PPP2R5C: variants seen among roughly 807,000 people sequenced by gnomAD.
PPP2R5C encodes the protein serine/threonine-protein phosphatase 2A 56 kDa regulatory subunit gamma isoform.
Under a neutral mutation model 68.9 loss-of-function variants are expected in PPP2R5C, and 7 were observed. The observed-to-expected ratio is 0.10, with a 90% CI of 0.06 to 0.19. PPP2R5C has a LOEUF of 0.19. Among genes scored for constraint, PPP2R5C ranks in the 10% least tolerant of loss-of-function variants. The pLI is 1.00. For synonymous variants in PPP2R5C, 210 were observed against 222.2 expected, an observed-to-expected ratio of 0.95 and a Z score of 0.49; for missense variants, 348 against 641.3, an observed-to-expected ratio of 0.54 and a Z score of 4.94.
intron 2 of PPP2R5C, among the ~76,000 whole-genome samples, chr14:101,866,174 C>T (rs1280282012): frequency 2.6e-5 from 4 of 152,204 alleles, no homozygotes; most frequent in Non-Finnish European, 4.4e-5. Context: ...GGATAACTGG[C>T]GTGAGCCAGC....
intron 1 of PPP2R5C, among the ~76,000 whole-genome samples, chr14:101,837,692 C>G (rs1034322809): frequency 6.6e-6 from 1 of 152,090 alleles, no homozygotes; most frequent in African/African-American, 2.4e-5. Flanking sequence ...TATCTCCAAC[C>G]TCTAGAACAC....
intron 1 of PPP2R5C, among the ~76,000 whole-genome samples, chr14:101,853,655 T>C (rs1455012996): frequency 6.6e-6 from 1 of 152,202 alleles, no homozygotes; most frequent in Non-Finnish European, 1.5e-5. Flanking sequence ...TTCAGTTCCC[T>C]GAAAAGGGTA....
At chr14:101,798,574 A>C (rs1215805528) in intron 3 of PPP2R5C, among the ~76,000 whole-genome samples, 2 of 152,220 alleles carry the variant, frequency 1.3e-5, no homozygotes, top group Non-Finnish European at 2.9e-5. Context: ...GCCTGGGCAA[A>C]ATAGGGAGAC....
intron 3 of PPP2R5C, among the ~76,000 whole-genome samples, chr14:101,800,993 C>G (rs1233564954): frequency 6.6e-6 from 1 of 152,126 alleles, no homozygotes; most frequent in Non-Finnish European, 1.5e-5. Context: ...ACCATGTGAT[C>G]TTACTCATGT....
chr14:101,767,872 G>C (rs187327510), intron 2 of PPP2R5C, among the ~76,000 whole-genome samples: 1 of 152,278 alleles, frequency 6.6e-6, no homozygotes, highest in East Asian at 1.9e-4. Context: ...CTTGAGGCTT[G>C]AGGGAGTGGT....
intron 2 of PPP2R5C, among the ~76,000 whole-genome samples, chr14:101,871,536 C>T (rs2140780228): frequency 6.6e-6 from 1 of 152,260 alleles, no homozygotes; most frequent in Admixed American, 6.5e-5. Context: ...AACCACTGTG[C>T]CCGGCTGAGT....
Position 101,825,269 on chromosome 14 carries a change from TAAA to T in PPP2R5C, c.94+15238_94+15240del, listed in dbSNP as rs991581677. ...GTGTGTTGATGAATTTATTACTTAT[TAAA>T]AAAATGTAAAGAAGGCATAGCATTA... On this transcript the variant is annotated intron_variant, in intron 1 of 13. Transcript: ENST00000334743. This position sits in a 1 kb window ranked among gnomAD's most constrained non-coding sequence, Gnocchi z 4.0. 2.0e-5 allele frequency among the ~76,000 whole-genome samples: 3 copies of T among 150,876 alleles called. No individual in the cohort carries two copies. Among genetic ancestry groups the T allele is most frequent in the Non-Finnish European group, 4.4e-5 (3 of 67,766 alleles).
chr14:101,832,408 T>C (rs998551007), intron 1 of PPP2R5C, among the ~76,000 whole-genome samples: 1 of 152,182 alleles, frequency 6.6e-6, no homozygotes, highest in Non-Finnish European at 1.5e-5. Context: ...CTTGGGTTAT[T>C]ATTGCTTAGG....
At chr14:101,815,862 G>C (rs2039633179) in intron 1 of PPP2R5C, among the ~76,000 whole-genome samples, 1 of 152,026 alleles carries the variant, frequency 6.6e-6, no homozygotes, top group African/African-American at 2.4e-5. Flanking sequence ...TATAGACAGG[G>C]TTTCACCGTG....
intron 3 of PPP2R5C, among the ~76,000 whole-genome samples, chr14:101,787,282 A>T (rs2140073449): frequency 6.6e-6 from 1 of 152,154 alleles, no homozygotes; most frequent in East Asian, 1.9e-4. Flanking sequence ...GAACTCAGTG[A>T]GAGCAGGCAG....
At position 101,821,446 on chromosome 14, in the gene PPP2R5C, T is replaced by A. The variant is rs1296024282; in HGVS notation, c.94+11410T>A. The stretch of plus-strand genomic sequence containing the variant: ...CCATTTTCTCCCTGTGGGGGGTGGG[T>A]GGGTGGGTGTGTGTGTGTGTGTGTG... On this transcript the variant is annotated intron_variant, in intron 1 of 13. Transcript: ENST00000334743. 3.1e-5 allele frequency among the ~76,000 whole-genome samples: 3 copies of A among 97,948 alleles called. No individual in the cohort carries two copies. In the South Asian group the frequency reaches 1.5e-3, roughly 50 times the overall value. 64.3% of individuals were successfully genotyped at this position (97,948 alleles called of 152,430 possible).
intron 13 of PPP2R5C, among the ~76,000 whole-genome samples, chr14:101,924,731 G>A (rs986718966): frequency 2.6e-5 from 4 of 151,992 alleles, no homozygotes; most frequent in African/African-American, 7.2e-5. Flanking sequence ...ATGAGCCACC[G>A]CACCCAGCCA....
chr14:101,821,452 GGTGTGTGTGTGTGTGTGTGTGT>G (rs71116851), intron 1 of PPP2R5C, among the ~76,000 whole-genome samples: 69 of 121,442 alleles, frequency 5.7e-4, no homozygotes, highest in Admixed American at 7.6e-4. Context: ...TGGGTGGGTG[GGTGTGTGTGTGTGTGTGTGTGT>G]GTGTGTGTGT....
In PPP2R5C at chr14:101,856,682, T is replaced by A. The variant is rs924654250; in HGVS notation, c.95-4T>A. 6.2e-7 allele frequency: 1 copy of A among 1,613,254 alleles called. No individual in the cohort carries two copies. The highest frequency in any genetic ancestry group is 8.5e-7 in the Non-Finnish European group (1 of 1,179,310). On this transcript the variant is annotated splice_polypyrimidine_tract_variant and splice_region_variant and intron_variant, in intron 1 of 13. Coordinates refer to ENST00000334743, the Ensembl canonical transcript of PPP2R5C. ...ATCAATATACTTTGCTTTCTGCTTTTCAGATGTTCCTCCTGCTGATCAAGA... is the reference window on the plus strand; with the variant it reads ...ATCAATATACTTTGCTTTCTGCTTTACAGATGTTCCTCCTGCTGATCAAGA...
At position 101,916,039 on chromosome 14, in the gene PPP2R5C, G is replaced by A. The variant is rs866968629; in HGVS notation, c.1327-1792G>A. Among the ~76,000 whole-genome samples, 3 of 152,134 alleles carry A rather than the reference G, an allele frequency of 2.0e-5. No individual in the cohort carries two copies. The highest frequency in any genetic ancestry group is 4.8e-5 in the African/African-American group (2 of 41,434). On this transcript the variant is annotated intron_variant, in intron 12 of 13. Coordinates refer to ENST00000334743, the Ensembl canonical transcript of PPP2R5C. The surrounding 1 kb of genome is among the most constrained non-coding windows in gnomAD (Gnocchi z 5.5). ...TGGGGTGTCAGTTATGGGGTGGGCC[G>A]GTGCGATCTGCTGAGAGGTGAGGGT...
At chr14:101,887,433 C>A (rs991077990) in intron 5 of PPP2R5C, among the ~76,000 whole-genome samples, 4 of 152,236 alleles carry the variant, frequency 2.6e-5, no homozygotes, top group African/African-American at 9.6e-5. Flanking sequence ...AGCCAGGAGC[C>A]ACCGCCAGCT....
At position 101,888,887 on chromosome 14, in the gene PPP2R5C, C is replaced by T. The variant is rs1199794045; in HGVS notation, c.630-1350C>T. Among the ~76,000 whole-genome samples the T allele has an allele frequency of 1.3e-5, 2 of 152,150 alleles. No homozygotes were observed. The highest frequency in any genetic ancestry group is 1.9e-4 in the East Asian group (1 of 5,186). On this transcript the variant is annotated intron_variant, in intron 5 of 13. Transcript: ENST00000334743. The surrounding 1 kb of genome is among the most constrained non-coding windows in gnomAD (Gnocchi z 5.6). ...GATTACAGGCATGAGCCACTGTGCC[C>T]GGCCAGATTTCGGCTTTTCTAAGCT...
chr14:101,763,436 G>GC (rs984103897), intron 2 of PPP2R5C, among the ~76,000 whole-genome samples: 46 of 151,590 alleles, frequency 3.0e-4, no homozygotes, highest in African/African-American at 1.1e-3. Context: ...AGGCTGGAGT[G>GC]CAGTGGCGCG....
intron 1 of PPP2R5C, among the ~76,000 whole-genome samples, chr14:101,849,453 C>T (rs977230365): frequency 6.6e-6 from 1 of 152,188 alleles, no homozygotes; most frequent in Non-Finnish European, 1.5e-5. Context: ...GCCCTTCATA[C>T]GTGGTTAGCC....
Sources: allele counts gnomAD v4.1 joint callset (sites outside exome capture counted in the v4.1 genomes callset), GRCh38; gene constraint gnomAD v4.1.1; non-coding constraint Gnocchi (gnomAD v3.1); transcripts MANE v1.5; gene names NCBI Gene and HGNC (gene_info 2026-07-23, HGNC 2026-07-21).